Variants in SLC4A5 observed in about 807,000 individuals in gnomAD.
The protein encoded by SLC4A5 is solute carrier family 4 member 5, also known as electrogenic sodium bicarbonate cotransporter 4.
A neutral mutation model predicts 120.4 loss-of-function variants in SLC4A5; 96 were observed. The observed-to-expected ratio is 0.80, with a 90% CI of 0.68 to 0.94. The LOEUF is 0.94. Among genes scored for constraint, SLC4A5 ranks in the 40% least tolerant of loss-of-function variants. The pLI is 0.00. For missense variants in SLC4A5, 1,259 were observed against 1,459.5 expected, an observed-to-expected ratio of 0.86 and a Z score of 2.24; for synonymous variants, 550 against 571.1, an observed-to-expected ratio of 0.96 and a Z score of 0.53.
chr2:74,331,854 A>G (rs1208511534), intron 4 of SLC4A5, among the ~76,000 whole-genome samples: 1 of 152,120 alleles, frequency 6.6e-6, no homozygotes, highest in African/African-American at 2.4e-5. Flanking sequence ...GAATTGGAGC[A>G]CATAAAATGG....
rs1047501122 is a variant in SLC4A5 at position 74,227,745 on chromosome 2, TGACATGGAACCA to T, written c.2916+53_2916+64del. The stretch of plus-strand genomic sequence containing the variant: ...GGGACAACTGAATTGGGGGTCTTGG[TGACATGGAACCA>T]GACATGGAATGTTGACTCCAGATCA... On this transcript the variant is annotated intron_variant, in intron 26 of 30. Transcript: ENST00000394019. 3 of 1,440,728 alleles carry T rather than the reference TGACATGGAACCA, an allele frequency of 2.1e-6. No homozygotes were observed. In the African/African-American group the frequency reaches 4.3e-5, roughly 21 times the overall value. The allele number at this position is 1,440,728 out of a possible 1,614,324, so 89.2% of individuals were successfully genotyped here.
intron 2 of SLC4A5, among the ~76,000 whole-genome samples, chr2:74,341,023 G>T (rs1673611289): frequency 6.6e-6 from 1 of 152,216 alleles, no homozygotes; most frequent in African/African-American, 2.4e-5. Context: ...ATGTAAAAGA[G>T]GCTGGGTGCA....
chr2:74,289,909 T>C (rs1167825487), intron 7 of SLC4A5, among the ~76,000 whole-genome samples: 1 of 152,224 alleles, frequency 6.6e-6, no homozygotes, highest in Non-Finnish European at 1.5e-5. Context: ...GATTTGATTA[T>C]GTTATTCACC....
At chr2:74,218,116 T>G (rs1694500760) in exon 31 of SLC4A5, 1 of 152,192 alleles carries the variant, frequency 6.6e-6, no homozygotes, top group African/African-American at 2.4e-5. Context: ...TTCAAACTTT[T>G]CATATAACCC....
At chr2:74,299,542 CTCAGT>C (rs1239210151) in intron 7 of SLC4A5, among the ~76,000 whole-genome samples, 1 of 152,158 alleles carries the variant, frequency 6.6e-6, no homozygotes, top group Admixed American at 6.5e-5. Context: ...ATTACCCAGT[CTCAGT>C]TATGTCTTTG....
exon 10 of SLC4A5, chr2:74,264,194 G>C (rs1489735587): frequency 4.3e-6 from 7 of 1,614,224 alleles, no homozygotes; most frequent in Non-Finnish European, 4.2e-6. Context: ...GCGGTGGATG[G>C]GCTTCTTGGT....
chr2:74,325,841 A>T (rs948869097), intron 5 of SLC4A5, among the ~76,000 whole-genome samples: 3 of 141,188 alleles, frequency 2.1e-5, no homozygotes, highest in Admixed American at 7.1e-5. Flanking sequence ...GGAAAGAAGG[A>T]AGAAGGAAGG....
At chr2:74,235,021 T>G in intron 22 of SLC4A5, 80 bp downstream of exon 22, 3 of 1,126,610 alleles carry the variant, frequency 2.7e-6, no homozygotes, top group Admixed American at 2.1e-5. Flanking sequence ...GAGAAGAGAG[T>G]TTGATCAGCA....
At chr2:74,238,449 G>A (rs1412154698) in intron 21 of SLC4A5, among the ~76,000 whole-genome samples, 1 of 152,120 alleles carries the variant, frequency 6.6e-6, no homozygotes, top group Admixed American at 6.5e-5. Flanking sequence ...GACAAAAGGG[G>A]AGAGCTTGGG....
intron 22 of SLC4A5, among the ~76,000 whole-genome samples, chr2:74,234,328 G>A (rs992569187): frequency 6.6e-6 from 1 of 152,062 alleles, no homozygotes; most frequent in Non-Finnish European, 1.5e-5. Context: ...ACAAGCGCCC[G>A]CCACCACGCC....
intron 5 of SLC4A5, among the ~76,000 whole-genome samples, chr2:74,323,122 C>A (rs1673135338): frequency 6.6e-6 from 1 of 152,104 alleles, no homozygotes; most frequent in African/African-American, 2.4e-5. Flanking sequence ...TGCTTGTAAT[C>A]CCAGCTACTT....
intron 6 of SLC4A5, chr2:74,306,977 T>C: frequency 3.3e-6 from 2 of 599,512 alleles, no homozygotes; most frequent in South Asian, 1.5e-5. Flanking sequence ...GTGCCAGCTC[T>C]GATTCCAGGT....
chr2:74,305,625 C>A (rs1164680818), intron 6 of SLC4A5, among the ~76,000 whole-genome samples: 1 of 151,448 alleles, frequency 6.6e-6, no homozygotes, highest in African/African-American at 2.4e-5. Context: ...CATACATCTA[C>A]AATTATATAT....
At chr2:74,269,329 C>G (rs1350006125) in intron 8 of SLC4A5, among the ~76,000 whole-genome samples, 1 of 152,124 alleles carries the variant, frequency 6.6e-6, no homozygotes, top group Non-Finnish European at 1.5e-5. Context: ...TTTCAGCCTC[C>G]TGAGTAGCTG....
chr2:74,229,428 T>C (rs1694982564), intron 25 of SLC4A5, among the ~76,000 whole-genome samples: 1 of 151,934 alleles, frequency 6.6e-6, no homozygotes, highest in Non-Finnish European at 1.5e-5. Flanking sequence ...TTTGTATTTT[T>C]AGTAGACACA....
At chr2:74,310,570 TCTCCTTTGGC>T (rs957160804) in intron 6 of SLC4A5, among the ~76,000 whole-genome samples, 1 of 152,208 alleles carries the variant, frequency 6.6e-6, no homozygotes, top group Non-Finnish European at 1.5e-5. Context: ...GTGTGATTTT[TCTCCTTTGGC>T]CTATTGATAT....
At chr2:74,247,270 T>A in exon 19 of SLC4A5, 1 of 1,613,992 alleles carries the variant, frequency 6.2e-7, no homozygotes, top group Non-Finnish European at 8.5e-7. Flanking sequence ...TGTAGGCCAA[T>A]CCAGAGGCGG....
At chr2:74,333,978 C>T (rs1174985526) in intron 4 of SLC4A5, 49 bp downstream of exon 4, 1 of 152,232 alleles carries the variant, frequency 6.6e-6, no homozygotes, top group African/African-American at 2.4e-5. Context: ...GCAGGCTTAT[C>T]TAGAACCTTT....
chr2:74,229,919 T>C (rs984802499), intron 25 of SLC4A5, among the ~76,000 whole-genome samples: 1 of 150,814 alleles, frequency 6.6e-6, no homozygotes, highest in Non-Finnish European at 1.5e-5. Flanking sequence ...TCTCACTCTG[T>C]TGCCCAGGCT....
Sources: allele counts gnomAD v4.1 joint callset (sites outside exome capture counted in the v4.1 genomes callset), GRCh38; gene constraint gnomAD v4.1.1; transcripts MANE v1.5; gene names NCBI Gene and HGNC (gene_info 2026-07-23, HGNC 2026-07-21).